B3GALT5: variants seen among roughly 807,000 people sequenced by gnomAD.
The protein encoded by B3GALT5 is UDP-Gal:betaGlcNAc beta 1,3-galactosyltransferase, polypeptide 5.
For synonymous variants in B3GALT5, 156 were observed against 158.6 expected, an observed-to-expected ratio of 0.98 and a Z score of 0.12; for missense variants, 328 against 396.6, an observed-to-expected ratio of 0.83 and a Z score of 1.47.
At chr21:39,644,466 C>T (rs2079318124) in intron 1 of B3GALT5, among the ~76,000 whole-genome samples, 1 of 152,174 alleles carries the variant, frequency 6.6e-6, no homozygotes, top group African/African-American at 2.4e-5. Context: ...CAGCTTCACT[C>T]TTCCCTTTGG....
intron 1 of B3GALT5, among the ~76,000 whole-genome samples, chr21:39,625,001 G>C (rs911878188): frequency 6.6e-6 from 1 of 152,164 alleles, no homozygotes; most frequent in African/African-American, 2.4e-5. Flanking sequence ...ATTTTCCTCT[G>C]GGTTCTTCTT....
intron 1 of B3GALT5, among the ~76,000 whole-genome samples, chr21:39,618,399 C>T (rs2079117939): frequency 6.6e-6 from 1 of 152,178 alleles, no homozygotes; most frequent in African/African-American, 2.4e-5. Context: ...AATTTATGCT[C>T]CTACATACTA....
intron 2 of B3GALT5, among the ~76,000 whole-genome samples, chr21:39,648,800 TC>T (rs34027816): frequency 0.52 from 78,733 of 151,862 alleles, 20,768 homozygotes; most frequent in Middle Eastern, 0.57. Context: ...TTCAGTGAGG[TC>T]CCGAGGGTGG....
At position 39,664,178 on chromosome 21, in the gene B3GALT5, G is replaced by A. The variant is rs938598539; in HGVS notation, c.*2686G>A. On this transcript the variant is annotated 3_prime_UTR_variant, in exon 4 of 4. Coordinates refer to ENST00000684187, the MANE Select transcript of B3GALT5 (RefSeq NM_001356336.2). ...CATAGGTGAAAAGTGGTGGAAACGGGGTGACCCTAAGCTGCCCTGTGGCCT... is the reference window on the plus strand; with the variant it reads ...CATAGGTGAAAAGTGGTGGAAACGGAGTGACCCTAAGCTGCCCTGTGGCCT... 2 of 152,328 alleles carry A rather than the reference G, an allele frequency of 1.3e-5. No individual in the cohort carries two copies. The highest frequency in any genetic ancestry group is 4.8e-5 in the African/African-American group (2 of 41,442). 9.4% of individuals were successfully genotyped at this position (152,328 alleles called of 1,614,324 possible).
intron 1 of B3GALT5, among the ~76,000 whole-genome samples, chr21:39,615,012 C>G (rs1029855178): frequency 6.6e-6 from 1 of 152,184 alleles, no homozygotes; most frequent in Non-Finnish European, 1.5e-5. Context: ...CTATAACAGC[C>G]TTGTTCCTGG....
chr21:39,620,842 C>G (rs1233227925), intron 1 of B3GALT5, among the ~76,000 whole-genome samples: 1 of 152,132 alleles, frequency 6.6e-6, no homozygotes, highest in Non-Finnish European at 1.5e-5. Flanking sequence ...ATAACCTAGC[C>G]TATGTGGTCT....
chr21:39,652,416 A>G (rs1456738210), intron 2 of B3GALT5, among the ~76,000 whole-genome samples: 1 of 152,140 alleles, frequency 6.6e-6, no homozygotes, highest in Non-Finnish European at 1.5e-5. Flanking sequence ...GCACTTCCCA[A>G]CCGTTCTGTG....
intron 2 of B3GALT5, among the ~76,000 whole-genome samples, chr21:39,655,156 A>G (rs1218310378): frequency 1.3e-5 from 2 of 152,378 alleles, no homozygotes; most frequent in Middle Eastern, 3.4e-3. Flanking sequence ...CCTGAGAACC[A>G]GGAGAGCCAA....
At chr21:39,625,558 T>G (rs2079159341) in intron 1 of B3GALT5, among the ~76,000 whole-genome samples, 1 of 152,252 alleles carries the variant, frequency 6.6e-6, no homozygotes, top group Admixed American at 6.5e-5. Flanking sequence ...ATTTGGGTAA[T>G]CTTGCCTGTG....
At chr21:39,655,648 G>A (rs2146212654) in intron 2 of B3GALT5, among the ~76,000 whole-genome samples, 1 of 152,282 alleles carries the variant, frequency 6.6e-6, no homozygotes, top group East Asian at 1.9e-4. Context: ...TCCTCTTTAA[G>A]GAAAAGAAAA....
intron 1 of B3GALT5, among the ~76,000 whole-genome samples, chr21:39,639,390 C>T (rs1469662725): frequency 3.1e-4 from 36 of 114,632 alleles, no homozygotes; most frequent in African/African-American, 7.7e-4. Context: ...TTCCTTCCTT[C>T]CTTCTTTCTT....
In B3GALT5 at chr21:39,658,235, TTTGGGTTTGGCACCTGCTCTGCCAG is replaced by T. The variant is rs576344839; in HGVS notation, c.-160-1494_-160-1470del. Among the ~76,000 whole-genome samples the T allele has an allele frequency of 4.8e-3, 737 of 152,142 alleles. 7 individuals are homozygous for T. Among genetic ancestry groups the T allele is most frequent in the African/African-American group, 0.017 (701 of 41,516 alleles). On this transcript the variant is annotated intron_variant, in intron 2 of 3. Transcript: ENST00000684187. ...CATGAAAACAAATGACCCCGGGTCA[TTTGGGTTTGGCACCTGCTCTGCCAG>T]TTGGGTTTGGCACCTGCTCTGCCTC...
chr21:39,651,258 C>T (rs372577183), intron 2 of B3GALT5, among the ~76,000 whole-genome samples: 31 of 152,208 alleles, frequency 2.0e-4, no homozygotes, highest in African/African-American at 6.0e-4. Flanking sequence ...CAAAGCGCCT[C>T]AAACTGGGTG....
intron 1 of B3GALT5, among the ~76,000 whole-genome samples, chr21:39,633,499 G>A (rs893407399): frequency 3.9e-5 from 6 of 152,204 alleles, no homozygotes; most frequent in African/African-American, 1.4e-4. Flanking sequence ...AATGGCCACT[G>A]TGAAATGGGT....
At position 39,660,541 on chromosome 21, in the gene B3GALT5, T is replaced by C. The variant is rs1270492733; in HGVS notation, c.1-19T>C. On this transcript the variant is annotated intron_variant, in intron 3 of 3. Transcript: ENST00000684187. ...CCTCATGCTTTTGAGGTCTAATCATTGGATTTTGTTCCTTTCAGATGGCTT... is the reference window on the plus strand; with the variant it reads ...CCTCATGCTTTTGAGGTCTAATCATCGGATTTTGTTCCTTTCAGATGGCTT... 1 of 1,408,636 alleles carries C rather than the reference T, an allele frequency of 7.1e-7. No individual in the cohort carries two copies. Among genetic ancestry groups the C allele is most frequent in the Non-Finnish European group, 9.3e-7 (1 of 1,077,074 alleles). 87.3% of individuals were successfully genotyped at this position (1,408,636 alleles called of 1,614,324 possible). A position where few individuals can be genotyped will look rare whatever the true frequency, so the allele number is the denominator to read the frequency against.
At position 39,661,119 on chromosome 21, in the gene B3GALT5, A is replaced by G. The variant is rs530374938; in HGVS notation, c.560A>G (p.Asn187Ser). Residue 187 changes from asparagine (N) to serine (S), a missense_variant, in exon 4 of 4, where the codon AAT (asparagine) becomes AGT (serine). Transcript: ENST00000684187. The surrounding 1 kb of genome is among the most constrained non-coding windows in gnomAD (Gnocchi z 4.7). ...TRFFTGFLKLNEFPIRQPFSK... is the reference protein window; with the variant it reads ...TRFFTGFLKLSEFPIRQPFSK... The stretch of plus-strand genomic sequence containing the variant: ...TTTTTCACTGGCTTCTTGAAACTCA[A>G]TGAGTTTCCCATCAGGCAGCCATTC... 4.3e-6 allele frequency: 7 copies of G among 1,614,112 alleles called. No individual in the cohort carries two copies. The highest frequency in any genetic ancestry group is 3.3e-5 in the South Asian group (3 of 91,076).
chr21:39,655,718 TA>T (rs1487289655), intron 2 of B3GALT5, among the ~76,000 whole-genome samples: 1 of 152,156 alleles, frequency 6.6e-6, no homozygotes, highest in East Asian at 1.9e-4. Context: ...ATTTGCCTCC[TA>T]AAATGTCTTT....
intron 1 of B3GALT5, among the ~76,000 whole-genome samples, chr21:39,626,546 G>A (rs1278298439): frequency 6.6e-6 from 1 of 152,120 alleles, no homozygotes; most frequent in African/African-American, 2.4e-5. Flanking sequence ...ATTCCCACCA[G>A]CAGAGCACAG....
intron 2 of B3GALT5, among the ~76,000 whole-genome samples, chr21:39,656,193 G>A (rs1052913683): frequency 1.3e-5 from 2 of 152,158 alleles, no homozygotes; most frequent in Non-Finnish European, 2.9e-5. Flanking sequence ...GAGAACCGTG[G>A]GGTTGTTCAG....
Sources: allele counts gnomAD v4.1 joint callset (sites outside exome capture counted in the v4.1 genomes callset), GRCh38; gene constraint gnomAD v4.1.1; non-coding constraint Gnocchi (gnomAD v3.1); transcripts MANE v1.5; gene names NCBI Gene and HGNC (gene_info 2026-07-23, HGNC 2026-07-21).